SPMIP2: variants seen among roughly 807,000 people sequenced by gnomAD.
SPMIP2 encodes sperm microtubule inner protein 2, also known as protein SPMIP2.
the SPMIP2 span, among the ~76,000 whole-genome samples, chr4:158,952,925 T>G: frequency 6.6e-6 from 1 of 152,160 alleles, no homozygotes; most frequent in Non-Finnish European, 1.5e-5. Context: ...GTGGAAGAAA[T>G]TTCTAAGCAT....
chr4:158,939,838 CAAAAACA>C, the SPMIP2 span, among the ~76,000 whole-genome samples: 18 of 152,090 alleles, frequency 1.2e-4, no homozygotes, highest in African/African-American at 3.6e-4. Flanking sequence ...GACTCTGTCT[CAAAAACA>C]AAAAAACAAA....
the SPMIP2 span, chr4:158,906,025 A>G: frequency 4.6e-5 from 7 of 152,212 alleles, no homozygotes; most frequent in Non-Finnish European, 1.0e-4. Context: ...CAGAACTGCT[A>G]CCTTTCCCTT....
chr4:158,903,619 C>T, the SPMIP2 span, among the ~76,000 whole-genome samples: 46 of 152,264 alleles, frequency 3.0e-4, 2 homozygotes, highest in South Asian at 8.3e-3. Context: ...CCCTTCCTCC[C>T]GTAGTCAGGG....
At chr4:159,051,539 ATT>A in the SPMIP2 span, among the ~76,000 whole-genome samples, 1 of 152,234 alleles carries the variant, frequency 6.6e-6, no homozygotes, top group Non-Finnish European at 1.5e-5. Flanking sequence ...AGCAGAGACC[ATT>A]TATACTATGG....
At chr4:158,994,246 A>T in the SPMIP2 span, among the ~76,000 whole-genome samples, 2 of 152,250 alleles carry the variant, frequency 1.3e-5, no homozygotes, top group African/African-American at 4.8e-5. Flanking sequence ...ATGGATGTTG[A>T]ATAAGTAAGT....
the SPMIP2 span, chr4:159,026,600 A>G: frequency 2.8e-6 from 1 of 360,498 alleles, no homozygotes. Flanking sequence ...AAATCTCCAT[A>G]CTGCTTCTTT....
chr4:159,037,827 C>CATATATAT, the SPMIP2 span, among the ~76,000 whole-genome samples: 1 of 125,922 alleles, frequency 7.9e-6, no homozygotes, highest in African/African-American at 2.9e-5. Context: ...CACACACACA[C>CATATATAT]ATATATATAT....
the SPMIP2 span, among the ~76,000 whole-genome samples, chr4:158,986,394 G>A: frequency 6.6e-6 from 1 of 152,138 alleles, no homozygotes; most frequent in Non-Finnish European, 1.5e-5. Flanking sequence ...ATACTACAAG[G>A]CTACAGTAAC....
chr4:158,966,041 T>C, the SPMIP2 span, among the ~76,000 whole-genome samples: 251 of 152,304 alleles, frequency 1.6e-3, no homozygotes, highest in African/African-American at 5.7e-3. Flanking sequence ...ACAAAGAAAC[T>C]TTCCTGTGAA....
chr4:159,064,522 A>C, the SPMIP2 span: 1 of 151,812 alleles, frequency 6.6e-6, no homozygotes, highest in Non-Finnish European at 1.5e-5. Flanking sequence ...TGTTTGAAAG[A>C]AATGCAGATG....
chr4:159,023,732 C>T, the SPMIP2 span, among the ~76,000 whole-genome samples: 392 of 152,264 alleles, frequency 2.6e-3, 1 homozygote, highest in African/African-American at 8.7e-3. Context: ...TCAGTAACCA[C>T]CCTTGCCCCC....
chr4:158,961,975 T>C, the SPMIP2 span, among the ~76,000 whole-genome samples: 1 of 152,246 alleles, frequency 6.6e-6, no homozygotes, highest in Non-Finnish European at 1.5e-5. Context: ...CAATTATATT[T>C]TCTATCTTAA....
At chr4:158,913,912 TAA>T in the SPMIP2 span, among the ~76,000 whole-genome samples, 1 of 149,126 alleles carries the variant, frequency 6.7e-6, no homozygotes, top group Admixed American at 6.7e-5. Flanking sequence ...TCAAATGGTG[TAA>T]GAGAGAGAGG....
the SPMIP2 span, among the ~76,000 whole-genome samples, chr4:159,051,101 TC>T: frequency 4.4e-3 from 630 of 144,160 alleles, 13 homozygotes; most frequent in Admixed American, 0.019. Flanking sequence ...AGGGAAAGAC[TC>T]CGTCTCAGAA....
At chr4:158,934,586 G>A in the SPMIP2 span, among the ~76,000 whole-genome samples, 6 of 151,932 alleles carry the variant, frequency 3.9e-5, no homozygotes, top group Non-Finnish European at 5.9e-5. Context: ...CGTGTTAGCC[G>A]TATTATTATT....
At chr4:159,073,542 A>C in the SPMIP2 span, among the ~76,000 whole-genome samples, 5 of 152,274 alleles carry the variant, frequency 3.3e-5, no homozygotes, top group Non-Finnish European at 7.3e-5. Context: ...TTCCACAACA[A>C]ATAATAAAAC....
chr4:158,990,845 T>C, the SPMIP2 span, among the ~76,000 whole-genome samples: 1 of 151,458 alleles, frequency 6.6e-6, no homozygotes, highest in Admixed American at 6.6e-5. Flanking sequence ...CTGCACATTC[T>C]GCACATGTAC....
chr4:159,010,472 A>G, the SPMIP2 span, among the ~76,000 whole-genome samples: 1 of 152,338 alleles, frequency 6.6e-6, no homozygotes, highest in East Asian at 1.9e-4. Flanking sequence ...TCCCCGTCTC[A>G]TTGAAATAGC....
chr4:158,973,380 G>A, the SPMIP2 span: 31 of 961,748 alleles, frequency 3.2e-5, no homozygotes, highest in Admixed American at 1.6e-4. Flanking sequence ...TATTTTAACC[G>A]TTGAAATACT....
Sources: allele counts gnomAD v4.1 joint callset (sites outside exome capture counted in the v4.1 genomes callset), GRCh38; gene constraint gnomAD v4.1.1; transcripts MANE v1.5; gene names NCBI Gene and HGNC (gene_info 2026-07-23, HGNC 2026-07-21).